The following PRKAA2 variants were observed in gnomAD, a reference collection of about 807,000 sequenced individuals.
The protein encoded by PRKAA2 is 5'-AMP-activated protein kinase catalytic subunit alpha-2.
Under a neutral mutation model 56.3 loss-of-function variants are expected in PRKAA2, and 40 were observed. The ratio of observed to expected loss-of-function variants is 0.71; its 90% CI spans 0.55 to 0.92. PRKAA2 has a LOEUF of 0.92. Among genes scored for constraint, PRKAA2 ranks in the 40% least tolerant of loss-of-function variants. PRKAA2 has a pLI of 0.00. For synonymous variants in PRKAA2, 214 were observed against 234.2 expected, an observed-to-expected ratio of 0.91 and a Z score of 0.79; for missense variants, 542 against 686.9, an observed-to-expected ratio of 0.79 and a Z score of 2.36.
intron 1 of PRKAA2, among the ~76,000 whole-genome samples, chr1:56,661,546 C>G (rs888024121): frequency 6.6e-6 from 1 of 152,048 alleles, no homozygotes; most frequent in Non-Finnish European, 1.5e-5. Context: ...TGCATTAAGA[C>G]TATACTATTA....
intron 1 of PRKAA2, among the ~76,000 whole-genome samples, chr1:56,659,315 G>A (rs796817379): frequency 1.3e-5 from 2 of 151,322 alleles, no homozygotes; most frequent in South Asian, 2.1e-4. Context: ...GGCCAAGATG[G>A]CAAAACCCTG....
chr1:56,673,617 T>C (rs1018293945), intron 1 of PRKAA2, among the ~76,000 whole-genome samples: 3 of 152,176 alleles, frequency 2.0e-5, no homozygotes, highest in African/African-American at 7.2e-5. Context: ...GCCATGAATG[T>C]GTTATATGAA....
chr1:56,707,062 AT>A (rs1473284484), intron 8 of PRKAA2, among the ~76,000 whole-genome samples: 1 of 152,156 alleles, frequency 6.6e-6, no homozygotes, highest in African/African-American at 2.4e-5. Context: ...TTTTAACAAG[AT>A]TTCTCTCACT....
chr1:56,693,833 C>A lies in PRKAA2; in HGVS notation c.544C>A (p.Pro182Thr). Residue 182 changes from proline to threonine, a missense_variant, in exon 5 of 9, where the codon CCT (proline) becomes ACT (threonine). By Grantham distance (38) the Pro-to-Thr change is conservative (BLOSUM62 -1). This residue lies in a region of PRKAA2 where 121 missense variants were observed against 210.0 expected (regional missense o/e 0.58). Transcript: ENST00000371244. ...TTGCGGATCTCCAAATTATGCAGCACCTGAAGTCATCTCAGGCAGGTAATA... is the reference window on the plus strand; with the variant it reads ...TTGCGGATCTCCAAATTATGCAGCAACTGAAGTCATCTCAGGCAGGTAATA... ...TSCGSPNYAAPEVISGRLYAG... is the reference protein window; with the variant it reads ...TSCGSPNYAATEVISGRLYAG... 1 of 1,592,948 alleles carries A rather than the reference C, an allele frequency of 6.3e-7. No homozygotes were observed. The highest frequency in any genetic ancestry group is 8.6e-7 in the Non-Finnish European group (1 of 1,165,522).
At chr1:56,684,409 T>C (rs1364574670) in intron 2 of PRKAA2, among the ~76,000 whole-genome samples, 1 of 152,042 alleles carries the variant, frequency 6.6e-6, no homozygotes, top group Non-Finnish European at 1.5e-5. Flanking sequence ...AGACAGACTG[T>C]ATTTAAGATA....
intron 6 of PRKAA2, among the ~76,000 whole-genome samples, chr1:56,703,110 A>T (rs960816365): frequency 6.6e-6 from 1 of 152,198 alleles, no homozygotes; most frequent in African/African-American, 2.4e-5. Context: ...GTATTCTAGG[A>T]TAACAATAGT....
chr1:56,666,336 T>A (rs541741730), intron 1 of PRKAA2, among the ~76,000 whole-genome samples: 1 of 152,170 alleles, frequency 6.6e-6, no homozygotes, highest in Non-Finnish European at 1.5e-5. Flanking sequence ...AGTAGGTAAT[T>A]ACAGCACTTG....
intron 2 of PRKAA2, among the ~76,000 whole-genome samples, chr1:56,685,796 C>T (rs572572995): frequency 2.0e-5 from 3 of 152,058 alleles, no homozygotes; most frequent in Admixed American, 1.3e-4. Flanking sequence ...AAGAAAAAAA[C>T]AACAGAGATA....
At chr1:56,666,868 A>G (rs541960969) in intron 1 of PRKAA2, among the ~76,000 whole-genome samples, 90 of 152,270 alleles carry the variant, frequency 5.9e-4, no homozygotes, top group Non-Finnish European at 1.2e-3. Flanking sequence ...GGTGCATAAC[A>G]TGCTGTGAGT....
At chr1:56,690,403 T>C (rs1404380813) in intron 2 of PRKAA2, among the ~76,000 whole-genome samples, 1 of 152,166 alleles carries the variant, frequency 6.6e-6, no homozygotes, top group African/African-American at 2.4e-5. Flanking sequence ...TCTCCTGACC[T>C]TGTGATCTGT....
Position 56,708,943 on chromosome 1 carries a change from T to G in PRKAA2, c.*1230T>G, listed in dbSNP as rs948535879. 6 of 152,130 alleles carry G rather than the reference T, an allele frequency of 3.9e-5. No individual in the cohort carries two copies. Among genetic ancestry groups the G allele is most frequent in the Non-Finnish European group, 8.8e-5 (6 of 68,012 alleles). The allele number at this position is 152,130 out of a possible 1,614,324, so 9.4% of individuals were successfully genotyped here. ...TTAAGCAAAAACCAGTTTTTTTGTTTGTTTGTTTTGCTTTGTGCAGGTTTT... is the reference window on the plus strand; with the variant it reads ...TTAAGCAAAAACCAGTTTTTTTGTTGGTTTGTTTTGCTTTGTGCAGGTTTT... On this transcript the variant is annotated 3_prime_UTR_variant, in exon 9 of 9. Coordinates refer to ENST00000371244, the MANE Select transcript of PRKAA2 (RefSeq NM_006252.4).
At chr1:56,659,559 G>A (rs1367502486) in intron 1 of PRKAA2, among the ~76,000 whole-genome samples, 1 of 150,112 alleles carries the variant, frequency 6.7e-6, no homozygotes, top group Non-Finnish European at 1.5e-5. Flanking sequence ...TCTTTTTATT[G>A]CTGCTGCACA....
chr1:56,674,151 G>A (rs2796534), intron 1 of PRKAA2, among the ~76,000 whole-genome samples: 72,267 of 151,896 alleles, frequency 0.48, 17,479 homozygotes, highest in East Asian at 0.64. Context: ...AAATAGGAAC[G>A]TCTCTGTTAG....
intron 2 of PRKAA2, among the ~76,000 whole-genome samples, chr1:56,683,505 G>T (rs1480764737): frequency 1.3e-5 from 2 of 152,124 alleles, no homozygotes; most frequent in Non-Finnish European, 2.9e-5. Flanking sequence ...CAGGTTGTTG[G>T]TTGATCCATT....
chr1:56,697,168 C>T (rs1644264202), intron 6 of PRKAA2, among the ~76,000 whole-genome samples: 1 of 151,618 alleles, frequency 6.6e-6, no homozygotes, highest in Non-Finnish European at 1.5e-5. Context: ...CACAAGCCAC[C>T]ACACCCAGCT....
chr1:56,648,780 A>G (rs1646664449), intron 1 of PRKAA2, among the ~76,000 whole-genome samples: 1 of 152,188 alleles, frequency 6.6e-6, no homozygotes, highest in Non-Finnish European at 1.5e-5. Context: ...TCATTGAGGC[A>G]TTAATTTTGC....
In PRKAA2 at chr1:56,706,370, G is replaced by C. The variant is rs56208663; in HGVS notation, c.1420+152G>C. On this transcript the variant is annotated intron_variant, in intron 8 of 8. Coordinates refer to ENST00000371244, the MANE Select transcript of PRKAA2 (RefSeq NM_006252.4). ...AACCAAAATGTAAGTGAAGTGAAAA[G>C]GATGAAAGACATGTTGAATACCTCT... 8 of 767,588 alleles carry C rather than the reference G, an allele frequency of 1.0e-5. No individual in the cohort carries two copies. The African/African-American group carries it at 1.4e-4, about 14-fold the overall frequency. 47.5% of individuals were successfully genotyped at this position (767,588 alleles called of 1,614,324 possible). A position where few individuals can be genotyped will look rare whatever the true frequency, so the allele number is the denominator to read the frequency against.
Position 56,714,747 on chromosome 1 carries a change from G to A in PRKAA2, c.*7034G>A, listed in dbSNP as rs554650965. The A allele has an allele frequency of 3.3e-5, 5 of 152,246 alleles. No homozygotes were observed. The highest frequency in any genetic ancestry group is 2.6e-4 in the Admixed American group (4 of 15,288). 9.4% of individuals were successfully genotyped at this position (152,246 alleles called of 1,614,324 possible). ...CTTTATTGTTTTAGGAAGAATGGTT[G>A]TGTTCTTTGTCATGTATGCTTAAAT... On this transcript the variant is annotated 3_prime_UTR_variant, in exon 9 of 9. Coordinates refer to ENST00000371244, the MANE Select transcript of PRKAA2 (RefSeq NM_006252.4).
chr1:56,687,193 T>C (rs576076652), intron 2 of PRKAA2, among the ~76,000 whole-genome samples: 5 of 152,198 alleles, frequency 3.3e-5, no homozygotes, highest in African/African-American at 1.2e-4. Context: ...CAAAACTCTT[T>C]AGTGGTAGAG....
Sources: gnomAD v4.1 joint callset for allele counts (sites outside exome capture counted in the v4.1 genomes callset) on GRCh38, gnomAD v4.1.1 for gene constraint, gnomAD v4.1.1 regional missense constraint, MANE v1.5 for transcripts, NCBI Gene and HGNC (gene_info 2026-07-23, HGNC 2026-07-21) for gene names.